Variants in LRP1B observed in about 807,000 individuals in gnomAD.
LRP1B encodes low-density lipoprotein receptor-related protein 1B.
Under a neutral mutation model 556.6 loss-of-function variants are expected in LRP1B, and 217 were observed. The ratio of observed to expected loss-of-function variants is 0.39; its 90% confidence interval spans 0.35 to 0.44. LRP1B has a LOEUF of 0.44. Ranked by LOEUF, LRP1B falls within the 20% of genes least tolerant of loss-of-function variation. The pLI is 1.00. For missense variants in LRP1B, 5,053 were observed against 5,620.8 expected, an observed-to-expected ratio of 0.90 and a Z score of 3.23; for synonymous variants, 2,047 against 1,865.8, an observed-to-expected ratio of 1.10 and a Z score of -2.50.
intron 1 of LRP1B, among the ~76,000 whole-genome samples, chr2:142,042,061 G>A (rs748924043): frequency 1.1e-4 from 17 of 151,282 alleles, no homozygotes; most frequent in Middle Eastern, 6.8e-3. Flanking sequence ...GTATTTATGC[G>A]TTTTTTTCTG....
At chr2:140,555,811 T>C (rs1436477579) in intron 43 of LRP1B, among the ~76,000 whole-genome samples, 2 of 152,088 alleles carry the variant, frequency 1.3e-5, no homozygotes, top group Admixed American at 1.3e-4. Context: ...TTTAGAGAAA[T>C]CTTTGTGTTC....
intron 6 of LRP1B, among the ~76,000 whole-genome samples, chr2:141,222,120 C>T (rs769714424): frequency 2.7e-5 from 4 of 148,786 alleles, no homozygotes; most frequent in Non-Finnish European, 6.1e-5. Flanking sequence ...CCCTTGGGGG[C>T]AAAAATCAAT....
rs545040873 is a variant in LRP1B at position 141,219,765 on chromosome 2, T to C, written c.850+9418A>G. On this transcript the variant is annotated intron_variant, in intron 6 of 90. Transcript: ENST00000389484. ...ATCTTTGCTGTTCTGTAGCCTCCAC[T>C]GGTGATACCTCTAGTTGCAGGAGGG... Among the ~76,000 whole-genome samples the C allele has an allele frequency of 2.1e-3, 326 of 152,244 alleles. 3 individuals are homozygous for C. Among genetic ancestry groups the C allele is most frequent in the African/African-American group, 7.7e-3 (319 of 41,546 alleles).
chr2:141,273,160 T>C (rs1007115888), intron 3 of LRP1B, among the ~76,000 whole-genome samples: 2 of 151,892 alleles, frequency 1.3e-5, no homozygotes, highest in African/African-American at 4.8e-5. Flanking sequence ...AATACAAAAG[T>C]TAACTGGGCA....
intron 41 of LRP1B, among the ~76,000 whole-genome samples, chr2:140,678,711 G>C (rs928221755): frequency 6.6e-6 from 1 of 151,552 alleles, no homozygotes; most frequent in Non-Finnish European, 1.5e-5. Flanking sequence ...AGTTCTGAAG[G>C]CTGCAAATCT....
chr2:141,311,236 GGCCACACA>G (rs1686801463), intron 3 of LRP1B, among the ~76,000 whole-genome samples: 3 of 152,140 alleles, frequency 2.0e-5, no homozygotes, highest in Non-Finnish European at 4.4e-5. Flanking sequence ...GGCACAGAGA[GGCCACACA>G]TTTTGCTTTT....
At chr2:141,071,098 A>T (rs1699627865) in intron 7 of LRP1B, among the ~76,000 whole-genome samples, 1 of 151,934 alleles carries the variant, frequency 6.6e-6, no homozygotes, top group African/African-American at 2.4e-5. Context: ...TTGATGCAAA[A>T]ATCCTCAATA....
intron 1 of LRP1B, among the ~76,000 whole-genome samples, chr2:141,964,354 G>T (rs929011370): frequency 4.1e-5 from 6 of 147,132 alleles, no homozygotes; most frequent in Non-Finnish European, 6.1e-5. Context: ...ATACTACAAG[G>T]CTACAGTAAC....
chr2:140,687,643 A>G (rs542398031), intron 41 of LRP1B, among the ~76,000 whole-genome samples: 5 of 152,142 alleles, frequency 3.3e-5, no homozygotes, highest in African/African-American at 1.2e-4. Context: ...TTAACCAGAT[A>G]TCCTGAAAAG....
At chr2:140,843,228 A>G (rs879894286) in intron 29 of LRP1B, among the ~76,000 whole-genome samples, 4 of 151,972 alleles carry the variant, frequency 2.6e-5, no homozygotes, top group Non-Finnish European at 5.9e-5. Flanking sequence ...ATTGTAAAGC[A>G]TAGCCAAATG....
At chr2:140,895,802 C>T (rs1319953987) in intron 23 of LRP1B, among the ~76,000 whole-genome samples, 1 of 152,094 alleles carries the variant, frequency 6.6e-6, no homozygotes, top group African/African-American at 2.4e-5. Flanking sequence ...CCAGGCCAAA[C>T]TCTTCTCCAA....
chr2:140,630,017 C>T (rs958829960), intron 41 of LRP1B, among the ~76,000 whole-genome samples: 2 of 152,188 alleles, frequency 1.3e-5, no homozygotes, highest in South Asian at 2.1e-4. Context: ...GGGCCATTCA[C>T]ATTTCTGGTT....
In LRP1B at chr2:140,922,998, C is replaced by A. The variant is rs1247549193; in HGVS notation, c.3286G>T (p.Asp1096Tyr). 19 of 1,612,324 alleles carry A rather than the reference C, an allele frequency of 1.2e-5. No individual in the cohort carries two copies. The highest frequency in any genetic ancestry group is 1.4e-5 in the Non-Finnish European group (17 of 1,179,046). ...KGCNGTIRLC[D>Y]HKTKFSCWST... Reference sequence around the variant, plus strand: ...CAACAGGAAAACTTGGTTTTGTGGTCACACAATCGTATGGTACCATTGCAA... The same window carrying A: ...CAACAGGAAAACTTGGTTTTGTGGTAACACAATCGTATGGTACCATTGCAA... The change falls in exon 21 of 91, where the codon GAC becomes TAC. Residue 1096 changes from aspartate (D) to tyrosine (Y), a missense_variant. By Grantham distance (160) the Asp-to-Tyr change is radical (BLOSUM62 -3). This residue lies in a region of LRP1B where 3,619 missense variants were observed against 3,931.9 expected (regional missense o/e 0.92). Transcript: ENST00000389484.
intron 12 of LRP1B, among the ~76,000 whole-genome samples, chr2:141,018,677 T>C (rs1046880367): frequency 6.6e-6 from 1 of 152,096 alleles, no homozygotes; most frequent in Non-Finnish European, 1.5e-5. Flanking sequence ...GAAGATGCTG[T>C]TTTAAGATAG....
intron 7 of LRP1B, among the ~76,000 whole-genome samples, chr2:141,160,874 C>T (rs1679997022): frequency 6.6e-6 from 1 of 151,020 alleles, no homozygotes; most frequent in African/African-American, 2.4e-5. Context: ...AATAAGGTTC[C>T]AAAGGGCTAT....
chr2:140,782,504 C>T (rs1161779541), intron 32 of LRP1B, among the ~76,000 whole-genome samples: 2 of 152,050 alleles, frequency 1.3e-5, no homozygotes, highest in Admixed American at 6.6e-5. Flanking sequence ...TCCTGCCCTG[C>T]CAACACCTTG....
intron 11 of LRP1B, among the ~76,000 whole-genome samples, chr2:141,039,413 G>A (rs1290965995): frequency 2.0e-5 from 3 of 151,924 alleles, no homozygotes; most frequent in African/African-American, 7.2e-5. Flanking sequence ...AAAAAACATG[G>A]TGTATATATA....
intron 2 of LRP1B, among the ~76,000 whole-genome samples, chr2:141,678,479 T>C (rs990173261): frequency 1.3e-5 from 2 of 152,182 alleles, no homozygotes; most frequent in African/African-American, 4.8e-5. Context: ...TCAATTAAGA[T>C]GGGCTCGAAA....
At chr2:140,647,011 A>T (rs1020526374) in intron 41 of LRP1B, among the ~76,000 whole-genome samples, 1 of 152,136 alleles carries the variant, frequency 6.6e-6, no homozygotes, top group African/African-American at 2.4e-5. Context: ...AATCAAATTT[A>T]TACTCTAGAG....
Sources: gnomAD v4.1 joint callset for allele counts (sites outside exome capture counted in the v4.1 genomes callset) on GRCh38, gnomAD v4.1.1 for gene constraint, gnomAD v4.1.1 regional missense constraint, MANE v1.5 for transcripts, NCBI Gene and HGNC (gene_info 2026-07-23, HGNC 2026-07-21) for gene names.